Variants in FAM167A observed in about 807,000 individuals in gnomAD.
FAM167A encodes the protein protein FAM167A.
In FAM167A, 23 loss-of-function variants were observed where a neutral mutation model predicts 14.9. That is an observed-to-expected ratio of 1.55 (90% CI 1.11 to 2.19). The LOEUF is 2.19. Ranked by LOEUF, FAM167A falls within the 30% of genes most tolerant of loss-of-function variation. FAM167A has a pLI of 0.00. For missense variants in FAM167A, 401 were observed against 281.5 expected, an observed-to-expected ratio of 1.42 and a Z score of -3.04; for synonymous variants, 174 against 117.7, an observed-to-expected ratio of 1.48 and a Z score of -3.10.
chr8:11,441,574 C>T (rs995753099), intron 2 of FAM167A, among the ~76,000 whole-genome samples: 10 of 152,154 alleles, frequency 6.6e-5, no homozygotes, highest in Non-Finnish European at 1.0e-4. Context: ...CCAGTGGAAC[C>T]CTCTGCGTTG....
rs747191510 is a variant in FAM167A at position 11,443,994 on chromosome 8, T to C, written c.381+37A>G. ...AAAGACACAGAGAGACGGTGGCATC[T>C]CCTCTTTTCTGGGGATTCTTGGGGG... On this transcript the variant is annotated intron_variant, in intron 2 of 2. Transcript: ENST00000284486. The C allele has an allele frequency of 1.5e-5, 23 of 1,576,968 alleles. No homozygotes were observed. The South Asian group carries it at 2.7e-4, about 18-fold the overall frequency.
chr8:11,430,590 A>G (rs566258671), intron 2 of FAM167A, among the ~76,000 whole-genome samples: 2 of 152,362 alleles, frequency 1.3e-5, no homozygotes, highest in East Asian at 3.9e-4. Flanking sequence ...GAAAAATTTT[A>G]AACACCAATT....
Position 11,423,129 on chromosome 8 carries a change from A to G in FAM167A, c.*1244T>C, listed in dbSNP as rs1350022848. The G allele has an allele frequency of 6.6e-6, 1 of 152,418 alleles. No homozygotes were observed. Among genetic ancestry groups the G allele is most frequent in the African/African-American group, 2.4e-5 (1 of 41,416 alleles). 9.4% of individuals were successfully genotyped at this position (152,418 alleles called of 1,614,324 possible). ...GTTTCACTTTGCTCCTTTACTAATG[A>G]GAGGACTCGACTAGATGACACCAAA... On this transcript the variant is annotated 3_prime_UTR_variant, in exon 3 of 3. Transcript: ENST00000284486.
At chr8:11,427,469 G>A (rs190854803) in intron 2 of FAM167A, among the ~76,000 whole-genome samples, 33 of 152,290 alleles carry the variant, frequency 2.2e-4, no homozygotes, top group Non-Finnish European at 3.5e-4. Context: ...GTATTTCTGC[G>A]ACATGCTCGG....
chr8:11,447,930 T>G (rs1157605335), intron 1 of FAM167A, among the ~76,000 whole-genome samples: 1 of 152,216 alleles, frequency 6.6e-6, no homozygotes, highest in African/African-American at 2.4e-5. Context: ...GCGCCGTGGC[T>G]CATATCTGTA....
Position 11,423,836 on chromosome 8 carries a change from C to G in FAM167A, c.*537G>C, listed in dbSNP as rs929244093. 1 of 158,230 alleles carries G rather than the reference C, an allele frequency of 6.3e-6. No homozygotes were observed. The highest frequency in any genetic ancestry group is 2.4e-5 in the African/African-American group (1 of 41,520). The allele number at this position is 158,230 out of a possible 1,614,324, so 9.8% of individuals were successfully genotyped here. ...CGTCCCCAAGTGCCCATTTGTCATG[C>G]CTTTCGATTTTCCCTTCCTAGTAGC... On this transcript the variant is annotated 3_prime_UTR_variant, in exon 3 of 3. Transcript: ENST00000284486.
chr8:11,471,482 C>T (rs771527140), upstream of FAM167A, among the ~76,000 whole-genome samples: 4 of 152,050 alleles, frequency 2.6e-5, no homozygotes, highest in South Asian at 2.1e-4. Flanking sequence ...GACATTGGGA[C>T]GGCAATAGAG....
At chr8:11,439,267 C>G (rs1806271863) in intron 2 of FAM167A, among the ~76,000 whole-genome samples, 1 of 152,232 alleles carries the variant, frequency 6.6e-6, no homozygotes, top group Admixed American at 6.5e-5. Context: ...TGGAAGGTTC[C>G]CTAGATGGGG....
chr8:11,470,621 T>G (rs996892751), upstream of FAM167A, among the ~76,000 whole-genome samples: 1 of 152,092 alleles, frequency 6.6e-6, no homozygotes, highest in Non-Finnish European at 1.5e-5. Flanking sequence ...CCTGATCCCT[T>G]TTGAGTCTAT....
chr8:11,453,657 G>C (rs979921237), intron 1 of FAM167A, among the ~76,000 whole-genome samples: 3 of 152,094 alleles, frequency 2.0e-5, no homozygotes, highest in African/African-American at 4.8e-5. Flanking sequence ...GAGGCTCTGT[G>C]ACCCTCCCCA....
Position 11,444,157 on chromosome 8 carries a change from C to A in FAM167A, c.255G>T (p.Leu85=). 1.9e-6 allele frequency: 3 copies of A among 1,613,112 alleles called. No individual in the cohort carries two copies. The change falls in exon 2 of 3, where the codon CTG becomes CTT. Residue 85 remains leucine (L), a synonymous_variant. Transcript: ENST00000284486. ...AAGGGGGGTGCTGCCCAGCCTCTCT[C>A]AGGGGGAGCAAGGGCTCCTGCCCCC... ...ERGGQEPLLP[L]REAGQHPPSA...
At chr8:11,425,193 GGT>G in intron 2 of FAM167A, among the ~76,000 whole-genome samples, 1 of 152,268 alleles carries the variant, frequency 6.6e-6, no homozygotes, top group South Asian at 2.1e-4. Context: ...CTAGGTACTG[GGT>G]GTTTTATTAT....
intron 1 of FAM167A, among the ~76,000 whole-genome samples, chr8:11,457,471 C>T (rs1205989101): frequency 2.6e-5 from 4 of 151,998 alleles, no homozygotes; most frequent in African/African-American, 9.7e-5. Context: ...CGCTCGCCTT[C>T]CTGGTGCTTC....
At chr8:11,463,137 T>C (rs1807603886) in intron 1 of FAM167A, among the ~76,000 whole-genome samples, 1 of 152,258 alleles carries the variant, frequency 6.6e-6, no homozygotes, top group African/African-American at 2.4e-5. Flanking sequence ...GCTCTGAGGC[T>C]GCTTTCATTC....
rs1804978372 is a variant in FAM167A at position 11,424,356 on chromosome 8, C to T, written c.*17G>A. On this transcript the variant is annotated 3_prime_UTR_variant, in exon 3 of 3. Coordinates refer to ENST00000284486, the MANE Select transcript of FAM167A (RefSeq NM_053279.3). ...CAAGCCCTCCGCTCCAGCCCCTCCG[C>T]CCAGTCTGAGGGCTCCTCAGCAGAG... 1 of 1,613,468 alleles carries T rather than the reference C, an allele frequency of 6.2e-7. No individual in the cohort carries two copies. The highest frequency in any genetic ancestry group is 1.1e-5 in the South Asian group (1 of 91,056).
At chr8:11,436,356 G>T (rs1806013887) in intron 2 of FAM167A, among the ~76,000 whole-genome samples, 1 of 152,210 alleles carries the variant, frequency 6.6e-6, no homozygotes, top group South Asian at 2.1e-4. Context: ...CCCTCGTGAG[G>T]CCAAGCAGCC....
In FAM167A at chr8:11,421,597, A is replaced by G. The variant is rs1804730583; in HGVS notation, c.*2776T>C. The G allele has an allele frequency of 7.5e-6, 3 of 398,078 alleles. No homozygotes were observed. Among genetic ancestry groups the G allele is most frequent in the Admixed American group, 4.4e-5 (1 of 22,720 alleles). The allele number at this position is 398,078 out of a possible 1,614,324, so 24.7% of individuals were successfully genotyped here. A position where few individuals can be genotyped will look rare whatever the true frequency, so the allele number is the denominator to read the frequency against. ...AATCGTCCATTGATTATGTAATAGC[A>G]CTTGGTATTGCTACAGGGTGTGGGT... On this transcript the variant is annotated 3_prime_UTR_variant, in exon 3 of 3. Coordinates refer to ENST00000284486, the MANE Select transcript of FAM167A (RefSeq NM_053279.3).
chr8:11,446,697 C>A (rs1037696119), intron 1 of FAM167A: 3 of 152,250 alleles, frequency 2.0e-5, no homozygotes, highest in Admixed American at 2.0e-4. Flanking sequence ...CCGGCACTCT[C>A]TGAAGACTTA....
chr8:11,431,149 C>T (rs1805558154), intron 2 of FAM167A, among the ~76,000 whole-genome samples: 1 of 152,164 alleles, frequency 6.6e-6, no homozygotes, highest in African/African-American at 2.4e-5. Context: ...ACCCAGTGCC[C>T]TCCACAGATG....
Sources: gnomAD v4.1 joint callset for allele counts (sites outside exome capture counted in the v4.1 genomes callset) on GRCh38, gnomAD v4.1.1 for gene constraint, MANE v1.5 for transcripts, NCBI Gene and HGNC (gene_info 2026-07-23, HGNC 2026-07-21) for gene names.